Variants in NREP observed in about 807,000 individuals in gnomAD.
NREP encodes the protein neuronal regeneration-related protein.
Under a neutral mutation model 8.6 loss-of-function variants are expected in NREP, and 5 were observed. The observed-to-expected ratio is 0.58, with a 90% CI of 0.30 to 1.22. The LOEUF is 1.22. Ranked by LOEUF, NREP falls within the 50% of genes most tolerant of loss-of-function variation. The pLI, the probability that NREP is intolerant of heterozygous loss-of-function variation, is 0.07. For synonymous variants in NREP, 27 were observed against 28.0 expected, an observed-to-expected ratio of 0.96 and a Z score of 0.11; for missense variants, 86 against 82.5, an observed-to-expected ratio of 1.04 and a Z score of -0.17.
At chr5:111,841,120 GA>G (rs1316863440) in intron 2 of NREP, among the ~76,000 whole-genome samples, 1 of 152,118 alleles carries the variant, frequency 6.6e-6, no homozygotes, top group Non-Finnish European at 1.5e-5. Context: ...CAAGGATAGG[GA>G]AGAACCAATA....
At chr5:111,874,896 T>C (rs1468061447) in intron 2 of NREP, among the ~76,000 whole-genome samples, 3 of 152,190 alleles carry the variant, frequency 2.0e-5, no homozygotes, top group African/African-American at 7.2e-5. Context: ...CCCTCTACTC[T>C]TGAGTAGGCT....
chr5:111,804,024 T>G (rs921118098), intron 2 of NREP, among the ~76,000 whole-genome samples: 1 of 152,168 alleles, frequency 6.6e-6, no homozygotes, highest in Non-Finnish European at 1.5e-5. Flanking sequence ...TCTAACAAGT[T>G]GATTCCAAAG....
chr5:111,757,469 G>C (rs1356982167), upstream of NREP: 1 of 985,142 alleles, frequency 1.0e-6, no homozygotes, highest in Non-Finnish European at 1.2e-6. Flanking sequence ...TAGGGTGCTA[G>C]TGAACAATGA....
chr5:111,770,286 A>C (rs1304081648), intron 2 of NREP, among the ~76,000 whole-genome samples: 1 of 152,080 alleles, frequency 6.6e-6, no homozygotes, highest in Admixed American at 6.6e-5. Flanking sequence ...CAAGATATTG[A>C]GGTTTTATTG....
intron 2 of NREP, among the ~76,000 whole-genome samples, chr5:111,764,051 A>G (rs536509127): frequency 6.6e-6 from 1 of 152,366 alleles, no homozygotes; most frequent in South Asian, 2.1e-4. Flanking sequence ...CATGGTTAAA[A>G]CAAATTCCAT....
At chr5:111,755,735 A>C (rs1445144503) in intron 2 of NREP, 35 bp downstream of exon 2, 17 of 1,609,562 alleles carry the variant, frequency 1.1e-5, no homozygotes, top group Non-Finnish European at 1.4e-5. Flanking sequence ...ACTGGTAAGA[A>C]GTACTGAGAA....
At position 111,741,396 on chromosome 5, in the gene NREP, C is replaced by G. The variant is rs375697695; in HGVS notation, c.4-5889G>C. Among the ~76,000 whole-genome samples the G allele has an allele frequency of 3.9e-5, 6 of 152,214 alleles. No homozygotes were observed. The East Asian group carries it at 9.7e-4, about 25-fold the overall frequency. On this transcript the variant is annotated intron_variant, in intron 2 of 3. Transcript: ENST00000257435. ...CATACACTTCCTTTCTGCAAAAACC[C>G]TTTGAGGTGGTGCTATAAAGAATCT...
intron 2 of NREP, among the ~76,000 whole-genome samples, chr5:111,744,035 T>A (rs1004934671): frequency 2.6e-5 from 4 of 152,152 alleles, no homozygotes; most frequent in Non-Finnish European, 4.4e-5. Context: ...TTTTTCTTGG[T>A]CTGGGTGGAT....
chr5:111,911,483 A>G (rs1292825767), intron 2 of NREP, among the ~76,000 whole-genome samples: 1 of 152,022 alleles, frequency 6.6e-6, no homozygotes, highest in Non-Finnish European at 1.5e-5. Flanking sequence ...ATTAATCAAG[A>G]CAATATTGAG....
chr5:111,890,379 C>T (rs62371616), intron 2 of NREP, among the ~76,000 whole-genome samples: 4,411 of 152,306 alleles, frequency 0.029, 109 homozygotes, highest in Non-Finnish European at 0.042. Flanking sequence ...TCAGCTTTTC[C>T]TTGCACAGGG....
intron 2 of NREP, among the ~76,000 whole-genome samples, chr5:111,829,395 C>T (rs1342861593): frequency 6.6e-6 from 1 of 152,158 alleles, no homozygotes; most frequent in East Asian, 1.9e-4. Context: ...ATTCAGAAGA[C>T]CAAATGAGAG....
chr5:111,866,032 C>G (rs778902365), intron 2 of NREP, among the ~76,000 whole-genome samples: 2 of 152,146 alleles, frequency 1.3e-5, no homozygotes, highest in Non-Finnish European at 2.9e-5. Context: ...ATGCAGAGCT[C>G]TCTTGTGGCT....
intron 2 of NREP, among the ~76,000 whole-genome samples, chr5:111,892,342 G>A (rs1181702789): frequency 6.6e-6 from 1 of 151,818 alleles, no homozygotes; most frequent in Non-Finnish European, 1.5e-5. Flanking sequence ...GAAATACAAC[G>A]AAAACAAAAA....
intron 2 of NREP, among the ~76,000 whole-genome samples, chr5:111,944,161 T>A (rs923114594): frequency 1.3e-5 from 2 of 152,140 alleles, no homozygotes; most frequent in Non-Finnish European, 2.9e-5. Flanking sequence ...CATTCTCTTT[T>A]ATTGCTGTAA....
chr5:111,966,867 G>T (rs10515438), intron 2 of NREP, among the ~76,000 whole-genome samples: 16 of 152,216 alleles, frequency 1.1e-4, no homozygotes, highest in African/African-American at 3.9e-4. Context: ...AGTCAGTTGT[G>T]GTAGTTCAAT....
intron 2 of NREP, among the ~76,000 whole-genome samples, chr5:111,778,547 A>G (rs1751416246): frequency 1.3e-5 from 2 of 152,174 alleles, no homozygotes. Flanking sequence ...GAAGCTTTAC[A>G]TGGAGTCAAA....
At chr5:111,891,497 A>C (rs770527022) in intron 2 of NREP, among the ~76,000 whole-genome samples, 1 of 152,186 alleles carries the variant, frequency 6.6e-6, no homozygotes, top group Non-Finnish European at 1.5e-5. Flanking sequence ...ATATTTTCAG[A>C]TATCTGTATA....
chr5:111,760,907 A>C (rs940656414), upstream of NREP, among the ~76,000 whole-genome samples: 1 of 152,238 alleles, frequency 6.6e-6, no homozygotes, highest in Non-Finnish European at 1.5e-5. Context: ...GTCATTCTCA[A>C]GTATTTCCTG....
intron 2 of NREP, among the ~76,000 whole-genome samples, chr5:111,837,221 GC>G (rs1474311943): frequency 1.3e-5 from 2 of 152,016 alleles, no homozygotes; most frequent in African/African-American, 4.8e-5. Context: ...AAGAACCAGA[GC>G]TTCTTAGAGA....
Sources: gnomAD v4.1 joint callset for allele counts (sites outside exome capture counted in the v4.1 genomes callset) on GRCh38, gnomAD v4.1.1 for gene constraint, MANE v1.5 for transcripts, NCBI Gene and HGNC (gene_info 2026-07-23, HGNC 2026-07-21) for gene names.